The following ME2 variants were observed in gnomAD, a reference collection of about 807,000 sequenced individuals.
ME2 encodes the protein NAD-dependent malic enzyme, mitochondrial.
Under a neutral mutation model 73.7 loss-of-function variants are expected in ME2, and 60 were observed. The observed-to-expected ratio is 0.81, with a 90% CI of 0.66 to 1.01. The LOEUF (loss-of-function observed/expected upper bound fraction) is 1.01. Among genes scored for constraint, ME2 ranks in the 50% least tolerant of loss-of-function variants. The pLI is 0.00. For synonymous variants in ME2, 199 were observed against 236.9 expected, an observed-to-expected ratio of 0.84 and a Z score of 1.47; for missense variants, 594 against 705.5, an observed-to-expected ratio of 0.84 and a Z score of 1.79.
chr18:50,906,603 G>A (rs1428444516), intron 2 of ME2, among the ~76,000 whole-genome samples: 12 of 152,162 alleles, frequency 7.9e-5, no homozygotes, highest in African/African-American at 2.2e-4. Flanking sequence ...ATGAGCCACC[G>A]TGCCTGGCCT....
Position 50,951,978 on chromosome 18 carries a change from A to G in ME2, c.*4794A>G, listed in dbSNP as rs1918238516. 6.6e-6 allele frequency: 1 copy of G among 151,744 alleles called. No individual in the cohort carries two copies. Among genetic ancestry groups the G allele is most frequent in the Non-Finnish European group, 1.5e-5 (1 of 67,998 alleles). The allele number at this position is 151,744 out of a possible 1,614,324, so 9.4% of individuals were successfully genotyped here. On this transcript the variant is annotated 3_prime_UTR_variant, in exon 16 of 16. Coordinates refer to ENST00000321341, the MANE Select transcript of ME2 (RefSeq NM_002396.5). ...CTATGTAATACTCGAGAACATTAAT[A>G]TAAACCCATAGCTCTTTACTGGGCT...
At chr18:50,880,595 T>A (rs1335064539) in intron 1 of ME2, among the ~76,000 whole-genome samples, 1 of 152,220 alleles carries the variant, frequency 6.6e-6, no homozygotes, top group Non-Finnish European at 1.5e-5. Flanking sequence ...TTTTGTAATT[T>A]TAATAGAGAC....
intron 7 of ME2, 28 bp from the exon 8 acceptor site, chr18:50,920,428 C>A (rs758822402): frequency 7.0e-7 from 1 of 1,428,628 alleles, no homozygotes; most frequent in Non-Finnish European, 9.7e-7. Flanking sequence ...ATTTTCAACA[C>A]AACTATTGTG....
In ME2 at chr18:50,949,783, A is replaced by T. The variant is rs528722701; in HGVS notation, c.*2599A>T. The stretch of plus-strand genomic sequence containing the variant: ...TAGCCTGCTTAAATAAAATAATTCT[A>T]TTTTTTTAAAAAGCTCCCAATTGTC... On this transcript the variant is annotated 3_prime_UTR_variant, in exon 16 of 16. Coordinates refer to ENST00000321341, the MANE Select transcript of ME2 (RefSeq NM_002396.5). 1 of 152,276 alleles carries T rather than the reference A, an allele frequency of 6.6e-6. No homozygotes were observed. The highest frequency in any genetic ancestry group is 2.4e-5 in the African/African-American group (1 of 41,550). 9.4% of individuals were successfully genotyped at this position (152,276 alleles called of 1,614,324 possible). A position where few individuals can be genotyped will look rare whatever the true frequency, so the allele number is the denominator to read the frequency against.
intron 11 of ME2, among the ~76,000 whole-genome samples, chr18:50,924,985 C>T (rs1283037813): frequency 6.6e-6 from 1 of 152,022 alleles, no homozygotes; most frequent in Non-Finnish European, 1.5e-5. Flanking sequence ...AAACAACCCC[C>T]CATTTTCCCC....
intron 3 of ME2, among the ~76,000 whole-genome samples, 177 bp from the exon 4 acceptor site, chr18:50,912,624 T>A (rs925205008): frequency 6.6e-6 from 1 of 152,204 alleles, no homozygotes; most frequent in Non-Finnish European, 1.5e-5. Context: ...ATATTTTTGT[T>A]AATTTTTAGT....
chr18:50,953,605 TCAA>T lies in ME2; in HGVS notation c.*6426_*6428del, dbSNP rs1918267854. 6.6e-6 allele frequency: 1 copy of T among 152,214 alleles called. No homozygotes were observed. Among genetic ancestry groups the T allele is most frequent in the Admixed American group, 6.5e-5 (1 of 15,274 alleles). The allele number at this position is 152,214 out of a possible 1,614,324, so 9.4% of individuals were successfully genotyped here. A position where few individuals can be genotyped will look rare whatever the true frequency, so the allele number is the denominator to read the frequency against. On this transcript the variant is annotated 3_prime_UTR_variant, in exon 16 of 16. Transcript: ENST00000321341. Reference sequence around the variant, plus strand: ...TTTTGATTTGGTAATCTTCACAGAATCAACAACTGTTAACACTTCTGTGCAAAT... The same window carrying T: ...TTTTGATTTGGTAATCTTCACAGAATCAACTGTTAACACTTCTGTGCAAAT...
intron 12 of ME2, among the ~76,000 whole-genome samples, chr18:50,926,102 T>C (rs543459724): frequency 7.8e-4 from 119 of 152,296 alleles, no homozygotes; most frequent in Non-Finnish European, 1.2e-3. Context: ...CCTCACACTG[T>C]TTGCACTATT....
intron 7 of ME2, among the ~76,000 whole-genome samples, chr18:50,918,563 C>A (rs1401320281): frequency 6.6e-6 from 1 of 152,164 alleles, no homozygotes; most frequent in African/African-American, 2.4e-5. Context: ...ATTTTAAGTT[C>A]TCTGACCATT....
chr18:50,908,099 G>A lies in ME2; in HGVS notation c.145G>A (p.Gly49Ser). The A allele has an allele frequency of 1.3e-6, 2 of 1,591,598 alleles. No homozygotes were observed. Among genetic ancestry groups the A allele is most frequent in the Non-Finnish European group, 1.7e-6 (2 of 1,168,666 alleles). The change falls in exon 3 of 16, where the codon GGT (glycine) becomes AGT (serine). Residue 49 changes from glycine to serine, a missense_variant. Physicochemically the swap from Gly to Ser is moderately conservative, Grantham distance 56. Transcript: ENST00000321341. ...TACTTTACAAGAACGACAAATGCTTGGTCTTCAAGGACTTCTACCTCCCAA... is the reference window on the plus strand; with the variant it reads ...TACTTTACAAGAACGACAAATGCTTAGTCTTCAAGGACTTCTACCTCCCAA... Reference protein sequence around the residue: ...AFTLQERQMLGLQGLLPPKIE... With the variant: ...AFTLQERQMLSLQGLLPPKIE...
At position 50,949,243 on chromosome 18, in the gene ME2, A is replaced by G. The variant is rs1382479822; in HGVS notation, c.*2059A>G. 1 of 152,258 alleles carries G rather than the reference A, an allele frequency of 6.6e-6. No homozygotes were observed. The highest frequency in any genetic ancestry group is 6.5e-5 in the Admixed American group (1 of 15,288). 9.4% of individuals were successfully genotyped at this position (152,258 alleles called of 1,614,324 possible). A position where few individuals can be genotyped will look rare whatever the true frequency, so the allele number is the denominator to read the frequency against. ...TGCAGTTGGTTAATTCATTGAACAG[A>G]TTAGTAAAGTCAGAAGTCTTTTTCA... On this transcript the variant is annotated 3_prime_UTR_variant, in exon 16 of 16. Coordinates refer to ENST00000321341, the MANE Select transcript of ME2 (RefSeq NM_002396.5).
In ME2 at chr18:50,953,016, A is replaced by G. The variant is rs1253048102; in HGVS notation, c.*5832A>G. ...TTTTTAGCTCAAACCCCTCTCAGTG[A>G]AGAAAGCCTTCTGTGTAGGCAATTT... On this transcript the variant is annotated 3_prime_UTR_variant, in exon 16 of 16. Transcript: ENST00000321341. 6.6e-6 allele frequency: 1 copy of G among 152,122 alleles called. No individual in the cohort carries two copies. Among genetic ancestry groups the G allele is most frequent in the Non-Finnish European group, 1.5e-5 (1 of 68,018 alleles). The allele number at this position is 152,122 out of a possible 1,614,324, so 9.4% of individuals were successfully genotyped here. A position where few individuals can be genotyped will look rare whatever the true frequency, so the allele number is the denominator to read the frequency against.
chr18:50,912,734 T>A, intron 3 of ME2, 67 bp from the exon 4 acceptor site: 1 of 1,283,940 alleles, frequency 7.8e-7, no homozygotes, highest in South Asian at 2.3e-5. Flanking sequence ...AGGTTTAACT[T>A]TCATAAGCCA....
chr18:50,921,940 G>C (rs142404168), intron 10 of ME2, among the ~76,000 whole-genome samples: 177 of 152,270 alleles, frequency 1.2e-3, no homozygotes, highest in African/African-American at 4.1e-3. Flanking sequence ...TATATCTTCT[G>C]TGTAACACAT....
intron 13 of ME2, among the ~76,000 whole-genome samples, chr18:50,937,356 A>G (rs1917841222): frequency 6.6e-6 from 1 of 152,158 alleles, no homozygotes; most frequent in African/African-American, 2.4e-5. Context: ...GAGACACCAG[A>G]CATAGTTGAG....
rs926055791 is a variant in ME2 at position 50,953,742 on chromosome 18, C to T, written c.*6558C>T. On this transcript the variant is annotated 3_prime_UTR_variant, in exon 16 of 16. Transcript: ENST00000321341. ...AAGTGATATCTATGTATTGTATACACATATTCCATTGAAAGGTGAGAATAA... is the reference window on the plus strand; with the variant it reads ...AAGTGATATCTATGTATTGTATACATATATTCCATTGAAAGGTGAGAATAA... The T allele has an allele frequency of 6.6e-6, 1 of 152,110 alleles. No homozygotes were observed. Among genetic ancestry groups the T allele is most frequent in the Non-Finnish European group, 1.5e-5 (1 of 68,022 alleles). 9.4% of individuals were successfully genotyped at this position (152,110 alleles called of 1,614,324 possible).
At chr18:50,907,956 A>G (rs1917054578) in intron 2 of ME2, 107 bp from the exon 3 acceptor site, 1 of 833,796 alleles carries the variant, frequency 1.2e-6, no homozygotes, top group Non-Finnish European at 1.8e-6. Flanking sequence ...GGCAAAAATA[A>G]TATGTCATTG....
chr18:50,947,340 G>GGTA lies in ME2; in HGVS notation c.*158_*160dup, dbSNP rs530192151. 2.9e-5 allele frequency: 19 copies of GGTA among 665,184 alleles called. No individual in the cohort carries two copies. The highest frequency in any genetic ancestry group is 4.8e-5 in the Non-Finnish European group (19 of 395,468). 41.2% of individuals were successfully genotyped at this position (665,184 alleles called of 1,614,324 possible). ...TTCCATGCGTCTCCACATCTGTTGG[G>GGTA]GTAGACGTGTTGATTGATTGCATTG... is the stretch of plus-strand genomic sequence containing the variant. On this transcript the variant is annotated 3_prime_UTR_variant, in exon 16 of 16. Coordinates refer to ENST00000321341, the MANE Select transcript of ME2 (RefSeq NM_002396.5).
intron 1 of ME2, among the ~76,000 whole-genome samples, chr18:50,887,261 G>C (rs1329287296): frequency 6.6e-6 from 1 of 152,112 alleles, no homozygotes; most frequent in Non-Finnish European, 1.5e-5. Context: ...AAGTAAAATT[G>C]AAACAACACA....
Sources: gnomAD v4.1 joint callset for allele counts (sites outside exome capture counted in the v4.1 genomes callset) on GRCh38, gnomAD v4.1.1 for gene constraint, MANE v1.5 for transcripts, NCBI Gene and HGNC (gene_info 2026-07-23, HGNC 2026-07-21) for gene names.